MTUS2: variants seen among roughly 807,000 people sequenced by gnomAD.
MTUS2 encodes microtubule-associated tumor suppressor candidate 2.
MTUS2 carries 40 observed loss-of-function variants against 114.1 expected under a neutral mutation model. The ratio of observed to expected loss-of-function variants is 0.35; its 90% CI spans 0.27 to 0.46. MTUS2 has a LOEUF of 0.46. Ranked by LOEUF, MTUS2 falls within the 20% of genes least tolerant of loss-of-function variation. The pLI, the probability that MTUS2 is intolerant of heterozygous loss-of-function variation, is 1.00. For synonymous variants in MTUS2, 688 were observed against 672.0 expected, an observed-to-expected ratio of 1.02 and a Z score of -0.37; for missense variants, 1,679 against 1,705.4, an observed-to-expected ratio of 0.98 and a Z score of 0.27.
At chr13:28,910,600 A>T (rs561474008) in intron 2 of MTUS2, among the ~76,000 whole-genome samples, 2 of 151,166 alleles carry the variant, frequency 1.3e-5, no homozygotes, top group Non-Finnish European at 2.9e-5. Flanking sequence ...TCTCATCGTT[A>T]AGCTCTCACT....
intron 5 of MTUS2, among the ~76,000 whole-genome samples, chr13:29,167,821 C>T (rs1252393539): frequency 1.3e-5 from 2 of 152,068 alleles, no homozygotes; most frequent in Non-Finnish European, 2.9e-5. Flanking sequence ...ATTCCCAAAT[C>T]CTCCAAAATC....
chr13:29,058,597 A>AT (rs1248332922), intron 4 of MTUS2, among the ~76,000 whole-genome samples: 2 of 104,516 alleles, frequency 1.9e-5, no homozygotes, highest in South Asian at 2.9e-4. Flanking sequence ...TTATTTTTTT[A>AT]TTTTTTTATT....
intron 7 of MTUS2, among the ~76,000 whole-genome samples, chr13:29,340,717 T>C (rs1293062148): frequency 6.6e-6 from 1 of 152,240 alleles, no homozygotes; most frequent in Non-Finnish European, 1.5e-5. Context: ...AGTTCTTTAG[T>C]GGTGATTTCT....
intron 7 of MTUS2, among the ~76,000 whole-genome samples, chr13:29,335,843 T>G (rs934663055): frequency 2.0e-5 from 3 of 152,238 alleles, no homozygotes; most frequent in Non-Finnish European, 4.4e-5. Context: ...AGGTTTGGTC[T>G]TTTCATGTAG....
rs541711584 is a variant in MTUS2 at position 28,968,978 on chromosome 13, C to T, written c.-242-55479C>T. ...AAACTAAAAGGCAAAATATAGACTA[C>T]AACTGATGATATCAAAATTTTAAAT... is the stretch of plus-strand genomic sequence containing the variant. On this transcript the variant is annotated intron_variant, in intron 2 of 15. Transcript: ENST00000612955. Among the ~76,000 whole-genome samples the T allele has an allele frequency of 2.6e-4, 40 of 152,226 alleles. No homozygotes were observed. In the South Asian group the frequency reaches 8.3e-3, roughly 32 times the overall value.
chr13:28,997,846 T>C (rs1797812748), intron 2 of MTUS2, among the ~76,000 whole-genome samples: 1 of 152,200 alleles, frequency 6.6e-6, no homozygotes, highest in Admixed American at 6.5e-5. Flanking sequence ...CTTTATCCAA[T>C]TTGCCAGTCT....
intron 1 of MTUS2, among the ~76,000 whole-genome samples, chr13:28,832,975 A>T (rs1874808114): frequency 6.6e-6 from 1 of 152,076 alleles, no homozygotes; most frequent in Admixed American, 6.6e-5. Context: ...CCTGAATGAA[A>T]TGGGTAAATT....
At chr13:29,408,579 A>G (rs1874968114) in intron 8 of MTUS2, among the ~76,000 whole-genome samples, 1 of 152,178 alleles carries the variant, frequency 6.6e-6, no homozygotes. Context: ...TGACCATCCA[A>G]AGTGCTGGAA....
At chr13:29,253,304 T>G (rs1450375942) in intron 5 of MTUS2, among the ~76,000 whole-genome samples, 1 of 151,834 alleles carries the variant, frequency 6.6e-6, no homozygotes, top group Non-Finnish European at 1.5e-5. Flanking sequence ...CACACACCTG[T>G]AATCCCAGCT....
intron 6 of MTUS2, chr13:29,307,152 T>C: frequency 2.1e-6 from 1 of 487,536 alleles, no homozygotes; most frequent in Non-Finnish European, 3.9e-6. Context: ...CTGCCCCCTC[T>C]GCCAACACCC....
intron 7 of MTUS2, among the ~76,000 whole-genome samples, chr13:29,342,198 G>A (rs1343745816): frequency 6.6e-6 from 1 of 152,056 alleles, no homozygotes; most frequent in Non-Finnish European, 1.5e-5. Context: ...AATGATGGTG[G>A]TATTTTGATG....
intron 4 of MTUS2, among the ~76,000 whole-genome samples, chr13:29,088,312 A>G (rs555338086): frequency 6.6e-6 from 1 of 152,106 alleles, no homozygotes; most frequent in Non-Finnish European, 1.5e-5. Context: ...ATTGATTTCT[A>G]ATTTTATTGT....
chr13:29,016,628 C>T (rs1029555075), intron 2 of MTUS2, among the ~76,000 whole-genome samples: 2 of 151,660 alleles, frequency 1.3e-5, no homozygotes, highest in Non-Finnish European at 2.9e-5. Flanking sequence ...CTCTTTCTAC[C>T]CTACTCTTCT....
At chr13:29,149,217 C>G (rs943903054) in intron 5 of MTUS2, among the ~76,000 whole-genome samples, 31 of 152,106 alleles carry the variant, frequency 2.0e-4, no homozygotes, top group Admixed American at 1.8e-3. Context: ...TTTAATAATT[C>G]TGACTGGCAT....
intron 2 of MTUS2, among the ~76,000 whole-genome samples, chr13:28,967,534 T>TA (rs1257636686): frequency 2.6e-5 from 4 of 152,214 alleles, no homozygotes; most frequent in Non-Finnish European, 5.9e-5. Flanking sequence ...TCTGTGCTGT[T>TA]ATTGTCATCA....
At chr13:29,448,480 T>C (rs1878444164) in intron 9 of MTUS2, among the ~76,000 whole-genome samples, 1 of 152,034 alleles carries the variant, frequency 6.6e-6, no homozygotes, top group African/African-American at 2.4e-5. Flanking sequence ...AATGGGGAAA[T>C]GTCTTTTTTT....
chr13:29,264,348 C>T (rs35287873), intron 5 of MTUS2, among the ~76,000 whole-genome samples: 1,993 of 152,360 alleles, frequency 0.013, 27 homozygotes, highest in East Asian at 0.081. Context: ...GAGTTGAGTG[C>T]CTGTGGCTTT....
At chr13:29,062,819 T>G (rs1888485246) in intron 4 of MTUS2, among the ~76,000 whole-genome samples, 1 of 152,222 alleles carries the variant, frequency 6.6e-6, no homozygotes, top group Admixed American at 6.5e-5. Flanking sequence ...TTCTGTGTCA[T>G]AAATGAATGA....
chr13:29,110,937 A>G (rs938174357), intron 5 of MTUS2, among the ~76,000 whole-genome samples: 11 of 152,380 alleles, frequency 7.2e-5, no homozygotes, highest in African/African-American at 2.6e-4. Context: ...TATAATATGC[A>G]TAAACCCAGC....
Sources: allele counts gnomAD v4.1 joint callset (sites outside exome capture counted in the v4.1 genomes callset), GRCh38; gene constraint gnomAD v4.1.1; transcripts MANE v1.5; gene names NCBI Gene and HGNC (gene_info 2026-07-23, HGNC 2026-07-21).